RPH3A: variants seen among roughly 807,000 people sequenced by gnomAD.
RPH3A encodes the protein rabphilin 3A.
In RPH3A, 48 loss-of-function variants were observed where a neutral mutation model predicts 102.2. The observed-to-expected ratio is 0.47, with a 90% confidence interval of 0.37 to 0.60. RPH3A has a LOEUF of 0.60. Ranked by LOEUF, RPH3A falls within the 20% of genes least tolerant of loss-of-function variation. The pLI is 0.00. For missense variants in RPH3A, 781 were observed against 910.1 expected (o/e 0.86, Z 1.83); for synonymous variants, 310 against 324.3 (o/e 0.96, Z 0.47).
chr12:112,843,192 A>G (rs1264645057), intron 4 of RPH3A, among the ~76,000 whole-genome samples: 1 of 152,192 alleles, frequency 6.6e-6, no homozygotes, highest in Admixed American at 6.5e-5. Flanking sequence ...TCGTGCCCAC[A>G]TCGCTCCTCG....
intron 15 of RPH3A, among the ~76,000 whole-genome samples, chr12:112,883,053 A>G (rs929259146): frequency 1.3e-4 from 20 of 152,178 alleles, no homozygotes; most frequent in Non-Finnish European, 4.4e-5. Flanking sequence ...AAGTTCAAGG[A>G]GGAGGCTTAG....
intron 2 of RPH3A, among the ~76,000 whole-genome samples, chr12:112,827,983 A>C (rs145634146): frequency 3.1e-4 from 47 of 152,134 alleles, no homozygotes; most frequent in African/African-American, 1.1e-3. Context: ...CCTGGATTCG[A>C]GTTAAGAACT....
intron 5 of RPH3A, among the ~76,000 whole-genome samples, chr12:112,856,599 G>C (rs2042416012): frequency 6.6e-6 from 1 of 152,084 alleles, no homozygotes; most frequent in Non-Finnish European, 1.5e-5. Flanking sequence ...GTGTGTGTGT[G>C]TTTAGAGATA....
chr12:112,786,419 C>G (rs551315814), intron 1 of RPH3A, among the ~76,000 whole-genome samples: 1 of 152,168 alleles, frequency 6.6e-6, no homozygotes, highest in African/African-American at 2.4e-5. Context: ...CTCTCTGTTT[C>G]GTTTACTTGT....
chr12:112,629,706 G>A (rs1201353937), intron 1 of RPH3A, among the ~76,000 whole-genome samples: 1 of 151,688 alleles, frequency 6.6e-6, no homozygotes, highest in Non-Finnish European at 1.5e-5. Flanking sequence ...GAAACCCCTA[G>A]CCTCAAGAGA....
In RPH3A at chr12:112,883,419, G is replaced by A; in HGVS notation, c.1436+17G>A. Reference sequence around the variant, plus strand: ...GACCCTCAGGTACCTGGCAGGCAGAGGGCAGAGAGGGAGGCAAAGGGGAGA... The same window carrying A: ...GACCCTCAGGTACCTGGCAGGCAGAAGGCAGAGAGGGAGGCAAAGGGGAGA... On this transcript the variant is annotated intron_variant, in intron 16 of 21. Coordinates refer to ENST00000389385, the MANE Select transcript of RPH3A (RefSeq NM_001143854.2). 2 of 1,594,902 alleles carry A rather than the reference G, an allele frequency of 1.3e-6. No homozygotes were observed. The highest frequency in any genetic ancestry group is 1.7e-6 in the Non-Finnish European group (2 of 1,163,468).
chr12:112,810,369 C>T (rs1257225157), intron 2 of RPH3A, among the ~76,000 whole-genome samples: 1 of 152,198 alleles, frequency 6.6e-6, no homozygotes, highest in Non-Finnish European at 1.5e-5. Context: ...TCGCTGCAGA[C>T]CTTCCACTTC....
At chr12:112,627,873 C>T (rs2039777262) in intron 1 of RPH3A, among the ~76,000 whole-genome samples, 1 of 151,906 alleles carries the variant, frequency 6.6e-6, no homozygotes, top group South Asian at 2.1e-4. Context: ...GGCTCGTGGT[C>T]CCACAGCCTG....
chr12:112,838,105 G>A (rs916237765), intron 4 of RPH3A, among the ~76,000 whole-genome samples: 1 of 152,194 alleles, frequency 6.6e-6, no homozygotes, highest in African/African-American at 2.4e-5. Context: ...AGAGTGAACT[G>A]TGGAGCACAA....
intron 4 of RPH3A, among the ~76,000 whole-genome samples, chr12:112,843,716 A>G (rs1424436261): frequency 6.6e-6 from 1 of 152,186 alleles, no homozygotes; most frequent in Non-Finnish European, 1.5e-5. Context: ...AGTTTTGGTC[A>G]CTGAGCTGCT....
At chr12:112,747,491 C>T (rs897465287) in intron 1 of RPH3A, among the ~76,000 whole-genome samples, 1 of 152,202 alleles carries the variant, frequency 6.6e-6, no homozygotes, top group African/African-American at 2.4e-5. Flanking sequence ...TAAGACAGTG[C>T]TGTATCTCTA....
intron 1 of RPH3A, among the ~76,000 whole-genome samples, chr12:112,739,308 A>G (rs1370452561): frequency 6.6e-6 from 1 of 152,204 alleles, no homozygotes; most frequent in Non-Finnish European, 1.5e-5. Flanking sequence ...ACTGCTCTCT[A>G]AATTTTAGAT....
chr12:112,624,307 C>T (rs1198982589), intron 1 of RPH3A, among the ~76,000 whole-genome samples: 13 of 151,012 alleles, frequency 8.6e-5, no homozygotes, highest in Non-Finnish European at 1.6e-4. Flanking sequence ...ATTGATAGAC[C>T]GCTAGCAAGA....
intron 1 of RPH3A, among the ~76,000 whole-genome samples, chr12:112,661,336 G>A (rs1234686491): frequency 6.6e-6 from 1 of 152,142 alleles, no homozygotes; most frequent in Non-Finnish European, 1.5e-5. Context: ...TCACTTGATA[G>A]ATGGCCTTGA....
At chr12:112,703,864 C>A (rs2040410443) in intron 1 of RPH3A, among the ~76,000 whole-genome samples, 2 of 152,214 alleles carry the variant, frequency 1.3e-5, no homozygotes, top group African/African-American at 4.8e-5. Context: ...AAACCTCATT[C>A]TCTGCTGCAA....
chr12:112,877,710 C>T (rs548239154), intron 13 of RPH3A, among the ~76,000 whole-genome samples: 4 of 152,336 alleles, frequency 2.6e-5, no homozygotes, highest in South Asian at 2.1e-4. Context: ...CCACCTCCCC[C>T]ACAGGCTAAG....
intron 1 of RPH3A, among the ~76,000 whole-genome samples, chr12:112,760,013 G>A (rs2040845265): frequency 6.6e-6 from 1 of 152,210 alleles, no homozygotes; most frequent in Non-Finnish European, 1.5e-5. Context: ...TCTGGGCAGT[G>A]CGGATATTCA....
chr12:112,685,757 A>G (rs2136018881), intron 1 of RPH3A, among the ~76,000 whole-genome samples: 1 of 152,344 alleles, frequency 6.6e-6, no homozygotes, highest in East Asian at 1.9e-4. Context: ...GCCAGCAGCC[A>G]CAGTGACTTA....
chr12:112,865,654 A>AGTGATCTTCAG, intron 6 of RPH3A, 111 bp downstream of exon 6: 1 of 1,186,768 alleles, frequency 8.4e-7, no homozygotes, highest in Non-Finnish European at 1.2e-6. Context: ...TGGATCCTGA[A>AGTGATCTTCAG]GATCACTTGC....
Sources: allele counts gnomAD v4.1 joint callset (sites outside exome capture counted in the v4.1 genomes callset), GRCh38; gene constraint gnomAD v4.1.1; transcripts MANE v1.5; gene names NCBI Gene and HGNC (gene_info 2026-07-23, HGNC 2026-07-21).